The following ITGBL1 variants were observed in gnomAD, a reference collection of about 807,000 sequenced individuals.
The protein encoded by ITGBL1 is integrin subunit beta like 1.
Under a neutral mutation model 68.5 loss-of-function variants are expected in ITGBL1, and 51 were observed. That is an observed-to-expected ratio of 0.74 (90% confidence interval 0.59 to 0.94). The LOEUF (loss-of-function observed/expected upper bound fraction) is 0.94, where lower values mean the gene tolerates loss of function less well. ITGBL1 is among the 40% of genes least tolerant of loss of function. ITGBL1 has a pLI of 0.00. For synonymous variants in ITGBL1, 209 were observed against 227.3 expected (o/e 0.92, Z 0.72); for missense variants, 649 against 647.4 (o/e 1.00, Z -0.03).
At chr13:101,651,636 T>TTAA (rs1300049483) in intron 7 of ITGBL1, among the ~76,000 whole-genome samples, 2 of 152,210 alleles carry the variant, frequency 1.3e-5, no homozygotes, top group Admixed American at 1.3e-4. Context: ...TTCACTCTGA[T>TTAA]AATAGTTTCT....
chr13:101,669,515 TAGAAG>T (rs1226185587), intron 7 of ITGBL1, among the ~76,000 whole-genome samples: 2 of 152,172 alleles, frequency 1.3e-5, no homozygotes, highest in African/African-American at 2.4e-5. Context: ...TGGCTTAAGT[TAGAAG>T]AGAATTGTTT....
At chr13:101,484,757 A>G (rs139373998) in intron 2 of ITGBL1, among the ~76,000 whole-genome samples, 10 of 152,234 alleles carry the variant, frequency 6.6e-5, no homozygotes, top group African/African-American at 2.4e-4. Flanking sequence ...ATTTTAAATG[A>G]TCTAATAGAG....
At chr13:101,637,489 A>G (rs545734064) in intron 7 of ITGBL1, among the ~76,000 whole-genome samples, 11 of 151,922 alleles carry the variant, frequency 7.2e-5, no homozygotes, top group South Asian at 2.1e-4. Flanking sequence ...GACTACAGGC[A>G]CGTGCCACCA....
chr13:101,596,851 A>G (rs768587601), intron 6 of ITGBL1, among the ~76,000 whole-genome samples: 2 of 152,168 alleles, frequency 1.3e-5, no homozygotes, highest in South Asian at 2.1e-4. Context: ...CAACTATATA[A>G]CATTAAGGAA....
At chr13:101,635,005 CA>C (rs2032118705) in intron 7 of ITGBL1, among the ~76,000 whole-genome samples, 3 of 148,630 alleles carry the variant, frequency 2.0e-5, no homozygotes, top group Admixed American at 1.3e-4. Context: ...TGCTCAATTT[CA>C]ATTCGAATTT....
intron 7 of ITGBL1, among the ~76,000 whole-genome samples, chr13:101,672,268 A>C (rs1419306946): frequency 6.6e-6 from 1 of 152,238 alleles, no homozygotes; most frequent in Non-Finnish European, 1.5e-5. Context: ...TCTGTAGACT[A>C]GACTGGATCT....
intron 2 of ITGBL1, among the ~76,000 whole-genome samples, chr13:101,484,730 CAGTT>C (rs1033886011): frequency 8.9e-4 from 136 of 152,094 alleles, no homozygotes; most frequent in African/African-American, 3.2e-3. Flanking sequence ...AATGGAACAT[CAGTT>C]AGCTGTGAAA....
intron 2 of ITGBL1, among the ~76,000 whole-genome samples, chr13:101,563,123 A>G (rs2050127678): frequency 6.6e-6 from 1 of 151,320 alleles, no homozygotes; most frequent in African/African-American, 2.4e-5. Flanking sequence ...AATATAACAT[A>G]TCAAAAATTT....
chr13:101,601,225 A>C (rs1448140798), intron 7 of ITGBL1, among the ~76,000 whole-genome samples: 1 of 152,106 alleles, frequency 6.6e-6, no homozygotes, highest in African/African-American at 2.4e-5. Flanking sequence ...ATTTGCGTAG[A>C]GGTGTTTATA....
chr13:101,703,558 G>A (rs1303967006), intron 8 of ITGBL1, among the ~76,000 whole-genome samples: 1 of 152,164 alleles, frequency 6.6e-6, no homozygotes, highest in African/African-American at 2.4e-5. Flanking sequence ...AGGAATCTAC[G>A]AGCCAGAGTA....
At chr13:101,536,033 G>C (rs1421638069) in intron 2 of ITGBL1, among the ~76,000 whole-genome samples, 1 of 140,880 alleles carries the variant, frequency 7.1e-6, no homozygotes, top group African/African-American at 2.7e-5. Context: ...ATCTGGGGAA[G>C]GTTGGTGGCC....
At chr13:101,550,392 T>G (rs1218813766) in intron 2 of ITGBL1, among the ~76,000 whole-genome samples, 1 of 152,212 alleles carries the variant, frequency 6.6e-6, no homozygotes, top group Non-Finnish European at 1.5e-5. Context: ...TGAGGGTTCC[T>G]CTCCTGGAAC....
At chr13:101,643,612 C>G (rs1424045326) in intron 7 of ITGBL1, among the ~76,000 whole-genome samples, 6 of 152,104 alleles carry the variant, frequency 3.9e-5, no homozygotes, top group African/African-American at 1.4e-4. Flanking sequence ...AAAATAAAGT[C>G]TAGGACTTCA....
At chr13:101,632,535 C>T (rs9554812) in intron 7 of ITGBL1, among the ~76,000 whole-genome samples, 116,035 of 152,130 alleles carry the variant, frequency 0.76, 44,264 homozygotes, top group East Asian at 0.87. Flanking sequence ...GGTGTTAACC[C>T]AAGAGAAATG....
intron 7 of ITGBL1, among the ~76,000 whole-genome samples, chr13:101,646,101 T>C (rs1039105879): frequency 7.9e-5 from 12 of 152,198 alleles, no homozygotes; most frequent in African/African-American, 2.7e-4. Flanking sequence ...CTTTGATTGA[T>C]GTGTTTCCAT....
At chr13:101,551,106 G>A (rs572978847) in intron 2 of ITGBL1, among the ~76,000 whole-genome samples, 1 of 152,278 alleles carries the variant, frequency 6.6e-6, no homozygotes, top group Non-Finnish European at 1.5e-5. Flanking sequence ...GGATACAGAG[G>A]AGGATGGGGA....
In ITGBL1 at chr13:101,637,863, A is replaced by C. The variant is rs923228667; in HGVS notation, c.1015+39564A>C. On this transcript the variant is annotated intron_variant, in intron 7 of 10. Transcript: ENST00000376180. ...GAGGTCATTTAGCAGCTCATGACTGAGTTGATTTTGTGCAGTAAGGCATAG... is the reference window on the plus strand; with the variant it reads ...GAGGTCATTTAGCAGCTCATGACTGCGTTGATTTTGTGCAGTAAGGCATAG... 3.9e-5 allele frequency among the ~76,000 whole-genome samples: 6 copies of C among 152,294 alleles called. No homozygotes were observed. The East Asian group carries it at 1.2e-3, about 29-fold the overall frequency.
intron 2 of ITGBL1, among the ~76,000 whole-genome samples, chr13:101,509,389 A>G (rs911068094): frequency 2.0e-5 from 3 of 152,142 alleles, no homozygotes; most frequent in African/African-American, 7.2e-5. Flanking sequence ...CAAACCATAT[A>G]GTCTTTTATA....
chr13:101,665,566 CTG>C (rs2033194583), intron 7 of ITGBL1, among the ~76,000 whole-genome samples: 1 of 151,992 alleles, frequency 6.6e-6, no homozygotes, highest in African/African-American at 2.4e-5. Flanking sequence ...TGAATAATGA[CTG>C]TAGCATTTCT....
Sources: gnomAD v4.1 joint callset for allele counts (sites outside exome capture counted in the v4.1 genomes callset) on GRCh38, gnomAD v4.1.1 for gene constraint, MANE v1.5 for transcripts, NCBI Gene and HGNC (gene_info 2026-07-23, HGNC 2026-07-21) for gene names.